Variants in CYB5B observed in about 807,000 individuals in gnomAD.
CYB5B encodes the protein cytochrome b5 type B (outer mitochondrial membrane).
CYB5B carries 14 observed loss-of-function variants against 21.3 expected under a neutral mutation model. That is an observed-to-expected ratio of 0.66 (90% confidence interval 0.43 to 1.03). CYB5B has a LOEUF of 1.03. Among genes scored for constraint, CYB5B ranks in the 50% least tolerant of loss-of-function variants. The pLI, the probability that CYB5B is intolerant of heterozygous loss-of-function variation, is 0.00. For missense variants in CYB5B, 166 were observed against 185.1 expected (o/e 0.90, Z 0.60); for synonymous variants, 69 against 68.4 (o/e 1.01, Z -0.04).
intron 1 of CYB5B, among the ~76,000 whole-genome samples, chr16:69,437,347 C>T (rs2014771218): frequency 6.6e-6 from 1 of 152,034 alleles, no homozygotes; most frequent in African/African-American, 2.4e-5. Context: ...TGCAAATTCA[C>T]AAGAGGTTTA....
intron 1 of CYB5B, among the ~76,000 whole-genome samples, chr16:69,438,466 C>T (rs2014784080): frequency 1.3e-5 from 2 of 152,014 alleles, no homozygotes; most frequent in African/African-American, 2.4e-5. Flanking sequence ...TGAGGAACCT[C>T]CAAACTGTTT....
Position 69,462,519 on chromosome 16 carries a change from G to C in CYB5B, c.452G>C (p.Ter151SerextTer105). 6.2e-7 allele frequency: 1 copy of C among 1,613,198 alleles called. No individual in the cohort carries two copies. Among genetic ancestry groups the C allele is most frequent in the Non-Finnish European group, 8.5e-7 (1 of 1,179,270 alleles). Reference protein sequence around the residue: ...RYYTSESKSS* With the variant: ...RYYTSESKSSS ...TACACATCGGAAAGCAAATCCTCCT[G>C]AGGAGGCCTTGCTGAAGTTAGAAAG... The change falls in exon 5 of 5, where the codon TGA becomes TCA. Residue 151 changes from the stop codon to serine, a stop_lost. Transcript: ENST00000307892.
chr16:69,435,301 G>C (rs2014749414), intron 1 of CYB5B, among the ~76,000 whole-genome samples: 1 of 152,182 alleles, frequency 6.6e-6, no homozygotes, highest in South Asian at 2.1e-4. Context: ...ATAAGTGTTA[G>C]TGATTATTTT....
intron 3 of CYB5B, among the ~76,000 whole-genome samples, chr16:69,454,928 C>T (rs1237387653): frequency 6.6e-6 from 1 of 152,126 alleles, no homozygotes; most frequent in Non-Finnish European, 1.5e-5. Flanking sequence ...GAGTGTCACT[C>T]TGTTGCCCAG....
chr16:69,458,089 C>G (rs1432085796), intron 3 of CYB5B, among the ~76,000 whole-genome samples: 2 of 152,176 alleles, frequency 1.3e-5, no homozygotes, highest in East Asian at 3.8e-4. Context: ...TTAATGGAAT[C>G]AATAACTCGT....
intron 1 of CYB5B, among the ~76,000 whole-genome samples, 170 bp downstream of exon 1, chr16:69,425,027 T>A (rs2014628649): frequency 1.3e-5 from 2 of 152,130 alleles, no homozygotes; most frequent in Non-Finnish European, 2.9e-5. Flanking sequence ...GGGCTTTAGT[T>A]TGCATGCATT....
intron 3 of CYB5B, among the ~76,000 whole-genome samples, chr16:69,455,555 A>G (rs2014975837): frequency 6.6e-6 from 1 of 151,250 alleles, no homozygotes; most frequent in South Asian, 2.1e-4. Flanking sequence ...TTACAGGCAC[A>G]CACTGCCATG....
rs553895783 is a variant in CYB5B at position 69,442,693 on chromosome 16, A to T, written c.175-4457A>T. Among the ~76,000 whole-genome samples, 12 of 151,756 alleles carry T rather than the reference A, an allele frequency of 7.9e-5. No individual in the cohort carries two copies. In the South Asian group the frequency reaches 2.3e-3, roughly 29 times the overall value. On this transcript the variant is annotated intron_variant, in intron 1 of 4. Transcript: ENST00000307892. ...CCTGGATAATTTTTTAATTTTTAAA[A>T]TTTTTTTTGTGGAGAACAAGGTCTT...
At chr16:69,453,492 G>A (rs1237257951) in intron 3 of CYB5B, among the ~76,000 whole-genome samples, 1 of 152,146 alleles carries the variant, frequency 6.6e-6, no homozygotes, top group Non-Finnish European at 1.5e-5. Context: ...TAGACAAGCA[G>A]TGATTGCTAT....
intron 2 of CYB5B, among the ~76,000 whole-genome samples, 182 bp from the exon 3 acceptor site, chr16:69,447,933 C>G (rs1162052949): frequency 6.6e-6 from 1 of 152,048 alleles, no homozygotes; most frequent in Non-Finnish European, 1.5e-5. Flanking sequence ...TCCATATATA[C>G]CATTCTAACA....
At chr16:69,432,145 G>A (rs547645619) in intron 1 of CYB5B, among the ~76,000 whole-genome samples, 2 of 152,306 alleles carry the variant, frequency 1.3e-5, no homozygotes, top group South Asian at 4.1e-4. Flanking sequence ...GGACATGCAA[G>A]GTCTGGTAGG....
Position 69,463,728 on chromosome 16 carries a change from C to T in CYB5B, c.*1208C>T, listed in dbSNP as rs771928996. The T allele has an allele frequency of 1.3e-5, 2 of 152,162 alleles. No homozygotes were observed. Among genetic ancestry groups the T allele is most frequent in the Non-Finnish European group, 2.9e-5 (2 of 68,026 alleles). 9.4% of individuals were successfully genotyped at this position (152,162 alleles called of 1,614,324 possible). On this transcript the variant is annotated 3_prime_UTR_variant, in exon 5 of 5. Coordinates refer to ENST00000307892, the MANE Select transcript of CYB5B (RefSeq NM_030579.3). ...GACAACAGACCGTTTTCCATTTCAT[C>T]TGTATTTTATCTCCGTGACTCCAAC...
chr16:69,463,091 AT>A lies in CYB5B; in HGVS notation c.*572del, dbSNP rs1455306594. 6.6e-6 allele frequency: 1 copy of A among 152,398 alleles called. No homozygotes were observed. The highest frequency in any genetic ancestry group is 1.5e-5 in the Non-Finnish European group (1 of 68,172). 9.4% of individuals were successfully genotyped at this position (152,398 alleles called of 1,614,324 possible). ...AGACCCCTATCTGTATTAAAAAAAA[AT>A]CTGATTTAATTCTTTTATTTATCAT... On this transcript the variant is annotated 3_prime_UTR_variant, in exon 5 of 5. Transcript: ENST00000307892.
intron 2 of CYB5B, 91 bp from the exon 3 acceptor site, chr16:69,448,024 T>C: frequency 7.5e-7 from 1 of 1,331,976 alleles, no homozygotes; most frequent in Non-Finnish European, 1.1e-6. Flanking sequence ...CACCAGAATA[T>C]AGTCTCATGT....
intron 1 of CYB5B, among the ~76,000 whole-genome samples, chr16:69,434,848 GCA>G (rs2014743644): frequency 8.2e-6 from 1 of 121,930 alleles, no homozygotes; most frequent in South Asian, 2.7e-4. Flanking sequence ...GGGTGACAGA[GCA>G]AGACTTCATC....
At chr16:69,448,562 G>A (rs2056636986) in intron 3 of CYB5B, 1 of 170,804 alleles carries the variant, frequency 5.9e-6, no homozygotes, top group African/African-American at 2.4e-5. Context: ...TAATACAGAG[G>A]CCTTTCTGTA....
chr16:69,459,977 G>A (rs904208807), intron 4 of CYB5B, among the ~76,000 whole-genome samples: 2 of 152,134 alleles, frequency 1.3e-5, no homozygotes, highest in South Asian at 2.1e-4. Context: ...AGGGCCGGGC[G>A]CGGTGGCTCA....
At chr16:69,453,370 A>G (rs951939250) in intron 3 of CYB5B, among the ~76,000 whole-genome samples, 1 of 152,192 alleles carries the variant, frequency 6.6e-6, no homozygotes, top group African/African-American at 2.4e-5. Flanking sequence ...ATTATGAAAT[A>G]TAGTTAGTTG....
intron 4 of CYB5B, 59 bp from the exon 5 acceptor site, chr16:69,462,371 A>G (rs1186067171): frequency 2.9e-5 from 39 of 1,337,538 alleles, no homozygotes; most frequent in Non-Finnish European, 3.9e-5. Flanking sequence ...AAGCTGAAAG[A>G]TAGTGAACAT....
Sources: allele counts gnomAD v4.1 joint callset (sites outside exome capture counted in the v4.1 genomes callset), GRCh38; gene constraint gnomAD v4.1.1; transcripts MANE v1.5; gene names NCBI Gene and HGNC (gene_info 2026-07-23, HGNC 2026-07-21).